Variants in COBL observed in about 807,000 individuals in gnomAD.
COBL encodes protein cordon-bleu.
COBL carries 51 observed loss-of-function variants against 98.8 expected under a neutral mutation model. The ratio of observed to expected loss-of-function variants is 0.52; its 90% confidence interval spans 0.41 to 0.65. The LOEUF (loss-of-function observed/expected upper bound fraction) is 0.65. Ranked by LOEUF, COBL falls within the 30% of genes least tolerant of loss-of-function variation. COBL has a pLI of 0.00. For synonymous variants in COBL, 634 were observed against 651.7 expected, an observed-to-expected ratio of 0.97 and a Z score of 0.41; for missense variants, 1,617 against 1,617.5, an observed-to-expected ratio of 1.00 and a Z score of 0.01.
chr7:51,055,891 C>T (rs905611209), intron 7 of COBL, among the ~76,000 whole-genome samples: 2 of 152,206 alleles, frequency 1.3e-5, no homozygotes, highest in Admixed American at 6.5e-5. Context: ...AGTTAACGGA[C>T]GACCAGTTTT....
chr7:51,177,533 G>A (rs1048422446), intron 5 of COBL, among the ~76,000 whole-genome samples: 1 of 151,720 alleles, frequency 6.6e-6, no homozygotes, highest in East Asian at 2.0e-4. Flanking sequence ...CAGCACTCTG[G>A]GGGGCTGAGG....
At chr7:51,214,448 A>T (rs1792823469) in intron 2 of COBL, among the ~76,000 whole-genome samples, 1 of 152,172 alleles carries the variant, frequency 6.6e-6, no homozygotes, top group Non-Finnish European at 1.5e-5. Context: ...GCGATCTCAG[A>T]CATGGAGTGC....
At position 51,259,560 on chromosome 7, in the gene COBL, C is replaced by G. The variant is rs1797533921; in HGVS notation, c.42-39616G>C. The stretch of plus-strand genomic sequence containing the variant: ...TGAGAAGTGGAAAGGGCGCAAAAAC[C>G]ATGAGATCTCCTGGAAATGCTTCTC... On this transcript the variant is annotated intron_variant, in intron 1 of 12. Coordinates refer to ENST00000265136, the MANE Select transcript of COBL (RefSeq NM_015198.5). The G allele has an allele frequency of 1.4e-5, 10 of 723,276 alleles. No homozygotes were observed. The Admixed American group carries it at 1.8e-4, about 13-fold the overall frequency. The allele number at this position is 723,276 out of a possible 1,614,324, so 44.8% of individuals were successfully genotyped here.
chr7:51,093,549 A>G (rs1056168713), intron 6 of COBL, among the ~76,000 whole-genome samples: 8 of 152,218 alleles, frequency 5.3e-5, no homozygotes, highest in Non-Finnish European at 1.0e-4. Context: ...CTGCACTTCT[A>G]TGTTCATTTC....
chr7:51,307,230 T>C (rs1802566346), intron 1 of COBL, among the ~76,000 whole-genome samples: 1 of 152,114 alleles, frequency 6.6e-6, no homozygotes, highest in South Asian at 2.1e-4. Flanking sequence ...AGGCCTGTGA[T>C]CCCAGCTACT....
At chr7:51,262,872 C>A (rs961288037) in intron 1 of COBL, among the ~76,000 whole-genome samples, 2 of 152,092 alleles carry the variant, frequency 1.3e-5, no homozygotes, top group African/African-American at 4.8e-5. Context: ...CAGGGCAGGG[C>A]CCAGAGGCAT....
At chr7:51,082,961 A>C in intron 7 of COBL, 2 of 1,167,798 alleles carry the variant, frequency 1.7e-6, no homozygotes, top group East Asian at 5.1e-5. Flanking sequence ...CACACATCCA[A>C]AGACAAGAAT....
intron 5 of COBL, among the ~76,000 whole-genome samples, chr7:51,179,530 A>T (rs915899949): frequency 1.3e-5 from 2 of 151,850 alleles, no homozygotes; most frequent in Admixed American, 6.6e-5. Flanking sequence ...AACTTTCTTC[A>T]GGTTATTTTT....
At chr7:51,063,041 C>T (rs969873827) in intron 7 of COBL, among the ~76,000 whole-genome samples, 3 of 152,116 alleles carry the variant, frequency 2.0e-5, no homozygotes, top group Non-Finnish European at 2.9e-5. Context: ...AAAGGCAATA[C>T]GCACAGTTAT....
chr7:51,083,562 T>C (rs1288372825), intron 7 of COBL, among the ~76,000 whole-genome samples: 1 of 152,236 alleles, frequency 6.6e-6, no homozygotes, highest in African/African-American at 2.4e-5. Context: ...CGACAGAGCT[T>C]TGTCAAGTTT....
At chr7:51,310,374 A>T (rs957781568) in intron 1 of COBL, among the ~76,000 whole-genome samples, 4 of 152,182 alleles carry the variant, frequency 2.6e-5, no homozygotes, top group Non-Finnish European at 5.9e-5. Flanking sequence ...TGTTCCTGAG[A>T]CAATTTTCTT....
chr7:51,270,335 C>G (rs971713285), intron 1 of COBL, among the ~76,000 whole-genome samples: 2 of 152,176 alleles, frequency 1.3e-5, no homozygotes, highest in Admixed American at 1.3e-4. Context: ...AAAACAAGAT[C>G]TCCTCCAAAG....
intron 6 of COBL, among the ~76,000 whole-genome samples, chr7:51,120,484 G>A (rs758276075): frequency 1.3e-5 from 2 of 152,056 alleles, no homozygotes; most frequent in Non-Finnish European, 2.9e-5. Flanking sequence ...ATTAATTATG[G>A]TAAATACACA....
At position 51,134,855 on chromosome 7, in the gene COBL, A is replaced by T. The variant is rs79495742; in HGVS notation, c.957+1303T>A. ...TCTTATCATGGATGCATACAACAAA[A>T]AGGTACCATTTGTGCCTAAATTTAT... On this transcript the variant is annotated intron_variant, in intron 6 of 12. Coordinates refer to ENST00000265136, the MANE Select transcript of COBL (RefSeq NM_015198.5). Among the ~76,000 whole-genome samples, 895 of 152,342 alleles carry T rather than the reference A, an allele frequency of 5.9e-3. 26 individuals are homozygous for T. The South Asian group carries it at 0.075, about 13-fold the overall frequency.
At chr7:51,139,336 T>C (rs893137295) in intron 5 of COBL, among the ~76,000 whole-genome samples, 2 of 152,192 alleles carry the variant, frequency 1.3e-5, no homozygotes, top group African/African-American at 4.8e-5. Context: ...CACACTGAGA[T>C]GACCTTGAAT....
chr7:51,141,100 C>T (rs1184137181), intron 5 of COBL, among the ~76,000 whole-genome samples: 2 of 151,458 alleles, frequency 1.3e-5, no homozygotes, highest in Admixed American at 1.3e-4. Context: ...GATGCTGTAC[C>T]TGAAATCTTT....
intron 8 of COBL, among the ~76,000 whole-genome samples, chr7:51,036,353 A>G (rs1459828866): frequency 1.4e-5 from 2 of 141,824 alleles, no homozygotes; most frequent in African/African-American, 5.9e-5. Context: ...AAAAAAAAAA[A>G]AAAAAAAAAA....
intron 1 of COBL, among the ~76,000 whole-genome samples, chr7:51,283,200 C>T (rs937315798): frequency 1.3e-5 from 2 of 151,830 alleles, no homozygotes; most frequent in African/African-American, 2.4e-5. Flanking sequence ...ACAATGACCA[C>T]AAAAGATTTT....
chr7:51,098,087 A>G (rs1795461984), intron 6 of COBL, among the ~76,000 whole-genome samples: 1 of 152,000 alleles, frequency 6.6e-6, no homozygotes, highest in Non-Finnish European at 1.5e-5. Context: ...GCACACTGAA[A>G]ACTACAAAAC....
Sources: allele counts gnomAD v4.1 joint callset (sites outside exome capture counted in the v4.1 genomes callset), GRCh38; gene constraint gnomAD v4.1.1; transcripts MANE v1.5; gene names NCBI Gene and HGNC (gene_info 2026-07-23, HGNC 2026-07-21).